TMEFF2: variants seen among roughly 807,000 people sequenced by gnomAD.
The protein encoded by TMEFF2 is transmembrane protein with EGF like and two follistatin like domains 2.
A neutral mutation model predicts 53.8 loss-of-function variants in TMEFF2; 28 were observed. That is an observed-to-expected ratio of 0.52 (90% CI 0.39 to 0.71). The LOEUF (loss-of-function observed/expected upper bound fraction) is 0.71. Ranked by LOEUF, TMEFF2 falls within the 30% of genes least tolerant of loss-of-function variation. TMEFF2 has a pLI of 0.00. For synonymous variants in TMEFF2, 162 were observed against 166.3 expected (o/e 0.97, Z 0.20); for missense variants, 353 against 455.2 (o/e 0.78, Z 2.04).
intron 4 of TMEFF2, among the ~76,000 whole-genome samples, chr2:192,150,191 C>T (rs549563451): frequency 5.3e-5 from 8 of 151,930 alleles, no homozygotes; most frequent in East Asian, 1.9e-4. Flanking sequence ...TTTTCCTCAA[C>T]GGAAACTTAG....
chr2:192,056,274 G>C (rs1395245249), intron 5 of TMEFF2, among the ~76,000 whole-genome samples: 1 of 151,592 alleles, frequency 6.6e-6, no homozygotes, highest in Non-Finnish European at 1.5e-5. Context: ...AAAAGAAAAA[G>C]AGAGAAATAA....
At chr2:192,136,083 G>T (rs538593823) in intron 4 of TMEFF2, among the ~76,000 whole-genome samples, 4 of 152,258 alleles carry the variant, frequency 2.6e-5, no homozygotes, top group African/African-American at 7.2e-5. Context: ...AGCCTGTTTG[G>T]TGGTCTCTTC....
At chr2:192,107,001 T>C (rs1339483542) in intron 4 of TMEFF2, among the ~76,000 whole-genome samples, 1 of 151,712 alleles carries the variant, frequency 6.6e-6, no homozygotes, top group African/African-American at 2.4e-5. Flanking sequence ...GAAGGGCATG[T>C]AGGGAGTAAG....
intron 4 of TMEFF2, among the ~76,000 whole-genome samples, chr2:192,084,112 C>T (rs775013923): frequency 6.6e-6 from 1 of 152,120 alleles, no homozygotes; most frequent in Non-Finnish European, 1.5e-5. Context: ...TTCAACATCA[C>T]ACAACTCATC....
At chr2:192,100,405 T>C (rs150953652) in intron 4 of TMEFF2, among the ~76,000 whole-genome samples, 177 of 152,302 alleles carry the variant, frequency 1.2e-3, no homozygotes, top group Non-Finnish European at 1.8e-3. Flanking sequence ...TCTTCTAGCA[T>C]GCATTTTCAA....
intron 4 of TMEFF2, among the ~76,000 whole-genome samples, chr2:192,079,385 C>T (rs1001335166): frequency 1.3e-5 from 2 of 152,142 alleles, no homozygotes; most frequent in African/African-American, 2.4e-5. Flanking sequence ...GCTTCTTCCT[C>T]GTTTTATCTT....
chr2:192,160,916 G>A (rs141727871), intron 4 of TMEFF2, among the ~76,000 whole-genome samples: 1 of 152,164 alleles, frequency 6.6e-6, no homozygotes, highest in Non-Finnish European at 1.5e-5. Flanking sequence ...GAGACCTTGT[G>A]TGAAGTAAAG....
chr2:191,988,890 C>A (rs1686040670), intron 7 of TMEFF2, among the ~76,000 whole-genome samples: 1 of 152,012 alleles, frequency 6.6e-6, no homozygotes, highest in Admixed American at 6.6e-5. Context: ...AATAACTCTG[C>A]AGAAATGCAG....
intron 4 of TMEFF2, among the ~76,000 whole-genome samples, chr2:192,115,549 A>G (rs890039617): frequency 6.6e-6 from 1 of 152,010 alleles, no homozygotes; most frequent in African/African-American, 2.4e-5. Flanking sequence ...GAAAAGCAAC[A>G]TATGGAGTGG....
intron 4 of TMEFF2, among the ~76,000 whole-genome samples, chr2:192,172,088 C>A (rs1200163829): frequency 2.6e-5 from 4 of 151,918 alleles, no homozygotes; most frequent in African/African-American, 9.7e-5. Flanking sequence ...CTTTTGGGAA[C>A]TGCTCACATC....
intron 4 of TMEFF2, among the ~76,000 whole-genome samples, chr2:192,069,684 T>TA (rs1688241712): frequency 6.6e-6 from 1 of 151,726 alleles, no homozygotes; most frequent in Admixed American, 6.6e-5. Context: ...CATCTAGTTT[T>TA]AAAAAAATTG....
intron 7 of TMEFF2, among the ~76,000 whole-genome samples, chr2:191,996,321 A>G (rs1375437476): frequency 6.6e-6 from 1 of 151,968 alleles, no homozygotes; most frequent in Non-Finnish European, 1.5e-5. Flanking sequence ...TTCAATGAGT[A>G]CAAAGACGGA....
intron 4 of TMEFF2, among the ~76,000 whole-genome samples, chr2:192,134,060 G>A (rs557375501): frequency 0.011 from 1,653 of 152,272 alleles, 29 homozygotes; most frequent in African/African-American, 0.038. Flanking sequence ...ATGTCTGCGT[G>A]CAGCGGCTGC....
At chr2:191,962,343 CG>C (rs1178787887) in intron 7 of TMEFF2, among the ~76,000 whole-genome samples, 1 of 152,060 alleles carries the variant, frequency 6.6e-6, no homozygotes, top group Non-Finnish European at 1.5e-5. Flanking sequence ...TTATCCTTAT[CG>C]TTGCTTGCAT....
At chr2:192,065,309 C>A (rs576166269) in intron 4 of TMEFF2, among the ~76,000 whole-genome samples, 2 of 151,872 alleles carry the variant, frequency 1.3e-5, no homozygotes, top group South Asian at 4.1e-4. Context: ...TTAAATTAAG[C>A]ATAGCATAAC....
intron 4 of TMEFF2, among the ~76,000 whole-genome samples, chr2:192,066,431 C>T (rs1264169975): frequency 6.6e-6 from 1 of 151,782 alleles, no homozygotes; most frequent in Non-Finnish European, 1.5e-5. Context: ...CTAAAATCCA[C>T]TTGAAAAGCC....
intron 2 of TMEFF2, among the ~76,000 whole-genome samples, chr2:192,185,689 T>A (rs560106016): frequency 6.6e-6 from 1 of 152,040 alleles, no homozygotes; most frequent in Non-Finnish European, 1.5e-5. Context: ...ATAATCTGAT[T>A]GATTAAAACC....
chr2:192,044,425 C>T (rs1355958375), intron 5 of TMEFF2: 1 of 152,122 alleles, frequency 6.6e-6, no homozygotes, highest in Admixed American at 6.6e-5. Context: ...ATGTATTTGC[C>T]TCACCTTCAA....
At chr2:192,029,580 A>C (rs1056885276) in intron 5 of TMEFF2, among the ~76,000 whole-genome samples, 2 of 152,218 alleles carry the variant, frequency 1.3e-5, no homozygotes, top group African/African-American at 4.8e-5. Context: ...CACAGGTAGA[A>C]GATGCTACGT....
Sources: gnomAD v4.1 joint callset for allele counts (sites outside exome capture counted in the v4.1 genomes callset) on GRCh38, gnomAD v4.1.1 for gene constraint, MANE v1.5 for transcripts, NCBI Gene and HGNC (gene_info 2026-07-23, HGNC 2026-07-21) for gene names.